The following KCNQ1 variants were observed in gnomAD, a reference collection of about 807,000 sequenced individuals.
The protein encoded by KCNQ1 is potassium voltage-gated channel subfamily Q member 1.
KCNQ1 carries 49 observed loss-of-function variants against 72.4 expected under a neutral mutation model. The observed-to-expected ratio is 0.68, with a 90% CI of 0.54 to 0.86. The LOEUF (loss-of-function observed/expected upper bound fraction) is 0.86. KCNQ1 is among the 40% of genes least tolerant of loss of function. The pLI, the probability that KCNQ1 is intolerant of heterozygous loss-of-function variation, is 0.00. For synonymous variants in KCNQ1, 450 were observed against 412.6 expected (o/e 1.09, Z -1.10); for missense variants, 790 against 945.1 (o/e 0.84, Z 2.15).
intron 15 of KCNQ1, among the ~76,000 whole-genome samples, chr11:2,778,554 CA>C (rs1413243771): frequency 1.3e-5 from 2 of 152,226 alleles, no homozygotes; most frequent in Admixed American, 6.5e-5. Flanking sequence ...CCCCACTCCC[CA>C]CCAGGCTCTG....
chr11:2,499,533 C>CGCA (rs761604921), intron 1 of KCNQ1, among the ~76,000 whole-genome samples: 8 of 129,122 alleles, frequency 6.2e-5, no homozygotes, highest in Non-Finnish European at 9.8e-5. Flanking sequence ...CCTGCCCCCA[C>CGCA]AAAAAAAGAC....
rs1042357791 is a variant in KCNQ1 at position 2,458,409 on chromosome 11, C to T, written c.386+12925C>T. 6.6e-6 allele frequency among the ~76,000 whole-genome samples: 1 copy of T among 152,226 alleles called. No homozygotes were observed. Among genetic ancestry groups the T allele is most frequent in the African/African-American group, 2.4e-5 (1 of 41,458 alleles). On this transcript the variant is annotated intron_variant, in intron 1 of 15. Coordinates refer to ENST00000155840, the MANE Select transcript of KCNQ1 (RefSeq NM_000218.3). The surrounding 1 kb of genome is among the most constrained non-coding windows in gnomAD (Gnocchi z 4.6). ...GACATGTGTCCCAGTCGTGATTAAC[C>T]TGTGAACTGTAACTCGGGGAAACCC...
chr11:2,584,442 AGTTT>A lies in KCNQ1; in HGVS notation c.1033-767_1033-764del, dbSNP rs754683041. Among the ~76,000 whole-genome samples, 18 of 136,668 alleles carry A rather than the reference AGTTT, an allele frequency of 1.3e-4. No homozygotes were observed. The East Asian group carries it at 1.6e-3, about 12-fold the overall frequency. The allele number at this position is 136,668 out of a possible 152,430, so 89.7% of individuals were successfully genotyped here. A position where few individuals can be genotyped will look rare whatever the true frequency, so the allele number is the denominator to read the frequency against. The stretch of plus-strand genomic sequence containing the variant: ...GTTAGTGTGTGTGTTAGTGTGCGTT[AGTTT>A]GTGTTTGTGTGTGTATGTTAGTGTA... On this transcript the variant is annotated intron_variant, in intron 7 of 15. Coordinates refer to ENST00000155840, the MANE Select transcript of KCNQ1 (RefSeq NM_000218.3).
rs1846745862 is a variant in KCNQ1, at chr11:2,486,750, C to A, written c.387-41178C>A. ...GTGTCTCATATGATGAGACAGGGAG[C>A]AAGAGAAAGGAGGTTCCAGTCTCCT... On this transcript the variant is annotated intron_variant, in intron 1 of 15. Transcript: ENST00000155840. The surrounding 1 kb of genome is among the most constrained non-coding windows in gnomAD (Gnocchi z 5.0). 6.6e-6 allele frequency among the ~76,000 whole-genome samples: 1 copy of A among 152,084 alleles called. No individual in the cohort carries two copies. Among genetic ancestry groups the A allele is most frequent in the African/African-American group, 2.4e-5 (1 of 41,390 alleles).
Position 2,652,848 on chromosome 11 carries a change from G to A in KCNQ1, c.1394-9113G>A, listed in dbSNP as rs896012767. 1.0e-5 allele frequency: 4 copies of A among 398,624 alleles called. No individual in the cohort carries two copies. The highest frequency in any genetic ancestry group is 8.2e-5 in the African/African-American group (4 of 48,620). The allele number at this position is 398,624 out of a possible 1,614,324, so 24.7% of individuals were successfully genotyped here. A position where few individuals can be genotyped will look rare whatever the true frequency, so the allele number is the denominator to read the frequency against. ...TCACTCTGAGATTTGTGTATGCTGA[G>A]GCTTGCTATACTTATTCTAAGGAGA... On this transcript the variant is annotated intron_variant, in intron 10 of 15. Transcript: ENST00000155840. This position sits in a 1 kb window ranked among gnomAD's most constrained non-coding sequence, Gnocchi z 5.9.
In KCNQ1 at chr11:2,724,075, G is replaced by T. The variant is rs1299290909; in HGVS notation, c.1515-44769G>T. 6.6e-6 allele frequency among the ~76,000 whole-genome samples: 1 copy of T among 152,162 alleles called. No homozygotes were observed. The highest frequency in any genetic ancestry group is 1.5e-5 in the Non-Finnish European group (1 of 68,030). ...CACCTCTGCACACAGCCCCTCCGGT[G>T]GTGCCTGGGGGCCCAGGCTTTTGAT... On this transcript the variant is annotated intron_variant, in intron 11 of 15. Coordinates refer to ENST00000155840, the MANE Select transcript of KCNQ1 (RefSeq NM_000218.3). This position sits in a 1 kb window ranked among gnomAD's most constrained non-coding sequence, Gnocchi z 6.8.
At chr11:2,499,520 A>ACTC (rs1846974305) in intron 1 of KCNQ1, among the ~76,000 whole-genome samples, 1 of 131,380 alleles carries the variant, frequency 7.6e-6, no homozygotes, top group Non-Finnish European at 1.7e-5. Context: ...GGTTGAATGG[A>ACTC]CCCCTGCCCC....
rs539105245 is a variant in KCNQ1, at chr11:2,446,158, G to GC, written c.386+680dup. The stretch of plus-strand genomic sequence containing the variant: ...GCAGCGCTGGTAGCAGAGGCACCTG[G>GC]CCCCCCTGTTACCAGGTGGTTCCAA... On this transcript the variant is annotated intron_variant, in intron 1 of 15. Transcript: ENST00000155840. This position sits in a 1 kb window ranked among gnomAD's most constrained non-coding sequence, Gnocchi z 8.8. 2.0e-4 allele frequency among the ~76,000 whole-genome samples: 31 copies of GC among 152,346 alleles called. No homozygotes were observed. Among genetic ancestry groups the GC allele is most frequent in the African/African-American group, 4.6e-4 (19 of 41,586 alleles).
chr11:2,687,156 C>T lies in KCNQ1; in HGVS notation c.1514+25075C>T, dbSNP rs1251394675. ...GGGAGGAATCTGAGCCAGCTTCCTC[C>T]ACAAAGCACAGAAGTCTGCCAAAAG... On this transcript the variant is annotated intron_variant, in intron 11 of 15. Coordinates refer to ENST00000155840, the MANE Select transcript of KCNQ1 (RefSeq NM_000218.3). This position sits in a 1 kb window ranked among gnomAD's most constrained non-coding sequence, Gnocchi z 5.0. 5.0e-6 allele frequency: 2 copies of T among 398,476 alleles called. No individual in the cohort carries two copies. The highest frequency in any genetic ancestry group is 4.4e-5 in the Admixed American group (1 of 22,712). 24.7% of individuals were successfully genotyped at this position (398,476 alleles called of 1,614,324 possible).
chr11:2,511,844 C>T (rs1847210959), intron 1 of KCNQ1, among the ~76,000 whole-genome samples: 1 of 152,204 alleles, frequency 6.6e-6, no homozygotes, highest in South Asian at 2.1e-4. Context: ...ATGCGGGCCC[C>T]TCAATCTGCC....
At chr11:2,569,518 G>A (rs570813424) in intron 2 of KCNQ1, among the ~76,000 whole-genome samples, 1 of 152,210 alleles carries the variant, frequency 6.6e-6, no homozygotes, top group Non-Finnish European at 1.5e-5. Context: ...TCCAGGGCCC[G>A]GCTTCTGAGG....
intron 11 of KCNQ1, chr11:2,667,601 G>A (rs566395407): frequency 2.5e-6 from 1 of 398,514 alleles, no homozygotes; most frequent in East Asian, 3.6e-5. Flanking sequence ...TTGGGCGGGG[G>A]GCACATCCCA....
rs947694632 is a variant in KCNQ1, at chr11:2,746,697, G to A, written c.1515-22147G>A. The stretch of plus-strand genomic sequence containing the variant: ...AGGGCCCATCCTGTCGGTGTGGCTC[G>A]TCATGGGCGATGCTGTCTCTGTCTC... On this transcript the variant is annotated intron_variant, in intron 11 of 15. Coordinates refer to ENST00000155840, the MANE Select transcript of KCNQ1 (RefSeq NM_000218.3). This position sits in a 1 kb window ranked among gnomAD's most constrained non-coding sequence, Gnocchi z 5.9. Among the ~76,000 whole-genome samples, 6 of 152,222 alleles carry A rather than the reference G, an allele frequency of 3.9e-5. No homozygotes were observed. The highest frequency in any genetic ancestry group is 1.9e-4 in the East Asian group (1 of 5,204).
chr11:2,589,251 G>A (rs1848639080), intron 10 of KCNQ1, among the ~76,000 whole-genome samples: 1 of 152,196 alleles, frequency 6.6e-6, no homozygotes, highest in South Asian at 2.1e-4. Context: ...AAGGGGTTTG[G>A]GGATGGGGCC....
chr11:2,743,688 C>T (rs1846094413), intron 11 of KCNQ1, among the ~76,000 whole-genome samples: 3 of 152,236 alleles, frequency 2.0e-5, no homozygotes, highest in African/African-American at 4.8e-5. Flanking sequence ...GTCAGATTCA[C>T]GACCTCCCAG....
At chr11:2,504,748 C>T (rs1246924522) in intron 1 of KCNQ1, among the ~76,000 whole-genome samples, 1 of 152,140 alleles carries the variant, frequency 6.6e-6, no homozygotes, top group Non-Finnish European at 1.5e-5. Flanking sequence ...CAGAGTGAGA[C>T]TGTCTCTAAA....
Position 2,723,777 on chromosome 11 carries a change from G to A in KCNQ1, c.1515-45067G>A, listed in dbSNP as rs747385269. 3.4e-4 allele frequency among the ~76,000 whole-genome samples: 52 copies of A among 152,166 alleles called. No homozygotes were observed. The highest frequency in any genetic ancestry group is 2.4e-4 in the Non-Finnish European group (16 of 68,024). ...GGGGCCTCACTAACCGCTGGTGGCC[G>A]CAGGGTTCCCAGCCACTCGGTGCAC... On this transcript the variant is annotated intron_variant, in intron 11 of 15. Transcript: ENST00000155840. The surrounding 1 kb of genome is among the most constrained non-coding windows in gnomAD (Gnocchi z 4.2).
chr11:2,461,647 G>A, intron 1 of KCNQ1: 1 of 1,366,432 alleles, frequency 7.3e-7, no homozygotes, highest in South Asian at 1.1e-5. Flanking sequence ...GGAATTTGAG[G>A]CCTGTGGCTG....
intron 1 of KCNQ1, among the ~76,000 whole-genome samples, chr11:2,505,693 G>T (rs1412857203): frequency 6.6e-6 from 1 of 152,134 alleles, no homozygotes; most frequent in Non-Finnish European, 1.5e-5. Flanking sequence ...ACATCTTCTT[G>T]CAGCCTCGAA....
Sources: allele counts gnomAD v4.1 joint callset (sites outside exome capture counted in the v4.1 genomes callset), GRCh38; gene constraint gnomAD v4.1.1; non-coding constraint Gnocchi (gnomAD v3.1); transcripts MANE v1.5; gene names NCBI Gene and HGNC (gene_info 2026-07-23, HGNC 2026-07-21).